Variants in ATAD2B observed in about 807,000 individuals in gnomAD.
ATAD2B encodes ATPase family AAA domain-containing protein 2B.
In ATAD2B, 40 loss-of-function variants were observed where a neutral mutation model predicts 167.6. The ratio of observed to expected loss-of-function variants is 0.24; its 90% CI spans 0.19 to 0.31. The LOEUF (loss-of-function observed/expected upper bound fraction) is 0.31. Among genes scored for constraint, ATAD2B ranks in the 10% least tolerant of loss-of-function variants. The probability of loss-of-function intolerance (pLI) is 1.00; values close to 1 mark genes in which losing one functional copy is unlikely to be tolerated. For missense variants in ATAD2B, 1,242 were observed against 1,757.2 expected, an observed-to-expected ratio of 0.71 and a Z score of 5.24; for synonymous variants, 579 against 596.5, an observed-to-expected ratio of 0.97 and a Z score of 0.43.
chr2:23,736,307 C>A, the ATAD2B span, among the ~76,000 whole-genome samples: 2 of 152,162 alleles, frequency 1.3e-5, no homozygotes, highest in African/African-American at 4.8e-5. Context: ...TCTCTCCTAA[C>A]TGGAGATTTT....
At chr2:23,894,926 G>T (rs1699990185) in intron 2 of ATAD2B, among the ~76,000 whole-genome samples, 1 of 151,966 alleles carries the variant, frequency 6.6e-6, no homozygotes, top group South Asian at 2.1e-4. Flanking sequence ...GACCCCTTAG[G>T]GACTAATAAA....
intron 2 of ATAD2B, among the ~76,000 whole-genome samples, chr2:23,889,994 T>C: frequency 6.6e-6 from 1 of 150,922 alleles, no homozygotes; most frequent in East Asian, 2.0e-4. Flanking sequence ...GCGGGCAGAT[T>C]ACGAGGTCAG....
At chr2:23,908,364 C>T (rs1701790606) in intron 1 of ATAD2B, among the ~76,000 whole-genome samples, 3 of 152,196 alleles carry the variant, frequency 2.0e-5, no homozygotes, top group African/African-American at 7.2e-5. Flanking sequence ...GACATTTATG[C>T]AGCCAAAAAA....
the ATAD2B span, among the ~76,000 whole-genome samples, chr2:23,736,526 T>C: frequency 1.3e-5 from 2 of 152,308 alleles, no homozygotes; most frequent in African/African-American, 2.4e-5. Context: ...GCTGATCTTG[T>C]ACCCATGAAA....
chr2:23,869,708 C>A lies in ATAD2B; in HGVS notation c.1031G>T (p.Arg344Leu). 6.4e-7 allele frequency: 1 copy of A among 1,568,686 alleles called. No individual in the cohort carries two copies. Among genetic ancestry groups the A allele is most frequent in the Non-Finnish European group, 8.7e-7 (1 of 1,154,842 alleles). Reference sequence around the variant, plus strand: ...GCTCTTTGATTTCCTTCTTTCAAAGCGTTCCTCATCAGAAGAAGTTGTGTC... The same window carrying A: ...GCTCTTTGATTTCCTTCTTTCAAAGAGTTCCTCATCAGAAGAAGTTGTGTC... ...SSDTTSSDEE[R>L]FERRKSKSMA... is the part of the protein sequence containing the mutation. Residue 344 changes from arginine (R) to leucine (L), a missense_variant, in exon 9 of 28, where the codon CGC (arginine) becomes CTC (leucine). Coordinates refer to ENST00000238789, the MANE Select transcript of ATAD2B (RefSeq NM_017552.4).
chr2:23,726,513 T>A, the ATAD2B span, among the ~76,000 whole-genome samples: 1 of 152,146 alleles, frequency 6.6e-6, no homozygotes, highest in African/African-American at 2.4e-5. Flanking sequence ...CATCTTCATG[T>A]TGAGCAGGCT....
At chr2:23,855,802 T>C (rs1338078345) in intron 13 of ATAD2B, among the ~76,000 whole-genome samples, 1 of 151,958 alleles carries the variant, frequency 6.6e-6, no homozygotes, top group Non-Finnish European at 1.5e-5. Flanking sequence ...GGCAGTAGGA[T>C]CACTTGGGCC....
At position 23,786,140 on chromosome 2, in the gene ATAD2B, C is replaced by T. The variant is rs1472854667; in HGVS notation, c.2860G>A (p.Asp954Asn). ...TCTCTTAAAGTATTTTCCTCCTGGT[C>T]CTCCATTCGACTTTTTTCTGATTCT... ...LSESEKSRME[D>N]QEENTLRELR... Residue 954 changes from aspartate (D) to asparagine (N), a missense_variant, in exon 21 of 28, where the codon GAC (aspartate) becomes AAC (asparagine). Physicochemically the swap from Asp to Asn is conservative, Grantham distance 23 (BLOSUM62 1). Coordinates refer to ENST00000238789, the MANE Select transcript of ATAD2B (RefSeq NM_017552.4). 1 of 1,605,734 alleles carries T rather than the reference C, an allele frequency of 6.2e-7. No individual in the cohort carries two copies. Among genetic ancestry groups the T allele is most frequent in the Non-Finnish European group, 8.5e-7 (1 of 1,175,906 alleles).
chr2:23,899,405 T>C (rs1700531104), intron 1 of ATAD2B, among the ~76,000 whole-genome samples: 1 of 151,624 alleles, frequency 6.6e-6, no homozygotes, highest in Non-Finnish European at 1.5e-5. Flanking sequence ...ATTAAGATGG[T>C]GTATTAGTTT....
the ATAD2B span, chr2:23,697,387 A>AG: frequency 1.3e-5 from 2 of 152,236 alleles, no homozygotes; most frequent in Non-Finnish European, 2.9e-5. Flanking sequence ...TAGTGCCTGG[A>AG]GGGTAACCCG....
intron 12 of ATAD2B, 111 bp downstream of exon 12, chr2:23,863,270 T>C (rs1694689113): frequency 7.7e-6 from 8 of 1,032,906 alleles, no homozygotes; most frequent in South Asian, 5.2e-5. Context: ...GATCACGCTA[T>C]TGCACTCACT....
At chr2:23,882,209 T>A (rs1050479185) in intron 6 of ATAD2B, among the ~76,000 whole-genome samples, 19 of 151,822 alleles carry the variant, frequency 1.3e-4, no homozygotes, top group Non-Finnish European at 2.8e-4. Flanking sequence ...TTTTTTTTAT[T>A]TTTATTTTTT....
At chr2:23,699,556 C>A in the ATAD2B span, among the ~76,000 whole-genome samples, 2 of 152,210 alleles carry the variant, frequency 1.3e-5, no homozygotes, top group Non-Finnish European at 2.9e-5. Context: ...TCTGCTTTTC[C>A]CAGCAGCTGC....
intron 22 of ATAD2B, among the ~76,000 whole-genome samples, chr2:23,779,418 ACCCACCTCGGCCT>A (rs1191778306): frequency 6.6e-6 from 1 of 151,736 alleles, no homozygotes; most frequent in African/African-American, 2.4e-5. Context: ...CTCGTGATCC[ACCCACCTCGGCCT>A]CCCAAAGTGC....
chr2:23,687,960 C>T, the ATAD2B span, among the ~76,000 whole-genome samples: 4 of 152,096 alleles, frequency 2.6e-5, no homozygotes, highest in Non-Finnish European at 4.4e-5. Context: ...AGCCTGCGGC[C>T]GAGTCCCTTT....
chr2:23,762,370 C>A, intron 23 of ATAD2B, 24 bp from the exon 24 acceptor site: 1 of 1,599,694 alleles, frequency 6.3e-7, no homozygotes, highest in Non-Finnish European at 8.5e-7. Flanking sequence ...ATAAGCAATA[C>A]CTCTTTAAAT....
rs548852024 is a variant in ATAD2B at position 23,758,992 on chromosome 2, T to C, written c.3395-891A>G. Among the ~76,000 whole-genome samples, 20 of 152,204 alleles carry C rather than the reference T, an allele frequency of 1.3e-4. No individual in the cohort carries two copies. In the South Asian group the frequency reaches 3.7e-3, roughly 28 times the overall value. The stretch of plus-strand genomic sequence containing the variant: ...TTCTCACATATGTATCAAATTGAGG[T>C]AGATGGTTAAGCAAGTCTACCTCAT... On this transcript the variant is annotated intron_variant, in intron 24 of 27. Transcript: ENST00000238789.
the ATAD2B span, among the ~76,000 whole-genome samples, chr2:23,701,550 G>C: frequency 6.6e-6 from 1 of 151,942 alleles, no homozygotes; most frequent in African/African-American, 2.4e-5. Context: ...TCATCTCTAC[G>C]ACAAATCAAA....
chr2:23,775,799 G>C (rs986055759), intron 22 of ATAD2B, among the ~76,000 whole-genome samples: 1 of 152,076 alleles, frequency 6.6e-6, no homozygotes, highest in Non-Finnish European at 1.5e-5. Flanking sequence ...CCTCTACGAT[G>C]ATGACTCCCA....
Sources: gnomAD v4.1 joint callset for allele counts (sites outside exome capture counted in the v4.1 genomes callset) on GRCh38, gnomAD v4.1.1 for gene constraint, MANE v1.5 for transcripts, NCBI Gene and HGNC (gene_info 2026-07-23, HGNC 2026-07-21) for gene names.